The following DEPDC5 variants were observed in gnomAD, a reference collection of about 807,000 sequenced individuals.
The protein encoded by DEPDC5 is GATOR1 complex protein DEPDC5.
DEPDC5 carries 73 observed loss-of-function variants against 217.3 expected under a neutral mutation model. The observed-to-expected ratio is 0.34, with a 90% CI of 0.28 to 0.41. The LOEUF is 0.41. Ranked by LOEUF, DEPDC5 falls within the 10% of genes least tolerant of loss-of-function variation. DEPDC5 has a pLI of 1.00. For missense variants in DEPDC5, 1,675 were observed against 2,070.1 expected, an observed-to-expected ratio of 0.81 and a Z score of 3.70; for synonymous variants, 733 against 756.7, an observed-to-expected ratio of 0.97 and a Z score of 0.51.
At chr22:31,893,557 G>A in intron 38 of DEPDC5, 25 bp from the exon 39 acceptor site, 2 of 1,526,828 alleles carry the variant, frequency 1.3e-6, no homozygotes, top group Admixed American at 2.2e-5. Context: ...CACTCTCTTG[G>A]GGCCCCTCCT....
chr22:31,905,746 G>A (rs540810643), intron 41 of DEPDC5, among the ~76,000 whole-genome samples: 7 of 152,158 alleles, frequency 4.6e-5, no homozygotes, highest in Non-Finnish European at 7.4e-5. Flanking sequence ...GGTGGACCAC[G>A]GAGATGACGG....
chr22:31,857,639 G>A, intron 32 of DEPDC5, 86 bp downstream of exon 32: 1 of 1,126,456 alleles, frequency 8.9e-7, no homozygotes, highest in Non-Finnish European at 1.3e-6. Flanking sequence ...TTCAGATCCG[G>A]GATTGCATGT....
intron 4 of DEPDC5, among the ~76,000 whole-genome samples, chr22:31,762,913 C>T (rs1234277744): frequency 6.6e-6 from 1 of 152,032 alleles, no homozygotes; most frequent in African/African-American, 2.4e-5. Flanking sequence ...CTCCTGGGTT[C>T]AAGTGATTCT....
intron 31 of DEPDC5, among the ~76,000 whole-genome samples, chr22:31,852,666 G>T (rs2092093463): frequency 6.6e-6 from 1 of 152,034 alleles, no homozygotes; most frequent in African/African-American, 2.4e-5. Context: ...TCAAATTCCT[G>T]ATGTCATTTC....
At chr22:31,793,948 C>T (rs1238153897) in intron 12 of DEPDC5, among the ~76,000 whole-genome samples, 1 of 152,152 alleles carries the variant, frequency 6.6e-6, no homozygotes, top group East Asian at 1.9e-4. Context: ...ATGGGTTACT[C>T]TTCTAAGCAC....
chr22:31,854,832 C>T (rs1210744186), intron 31 of DEPDC5, among the ~76,000 whole-genome samples: 1 of 151,974 alleles, frequency 6.6e-6, no homozygotes, highest in Non-Finnish European at 1.5e-5. Flanking sequence ...GTTTACAGGG[C>T]TAAAGAGCTA....
intron 18 of DEPDC5, among the ~76,000 whole-genome samples, chr22:31,809,054 C>T (rs1378395616): frequency 6.6e-6 from 1 of 152,142 alleles, no homozygotes; most frequent in African/African-American, 2.4e-5. Flanking sequence ...AGGCGTGAAC[C>T]ACTGTGCCTG....
intron 38 of DEPDC5, among the ~76,000 whole-genome samples, chr22:31,892,873 A>AT (rs948740613): frequency 0.043 from 5,212 of 120,048 alleles, 171 homozygotes; most frequent in African/African-American, 0.058. Context: ...TTGGTGGTGT[A>AT]TTTTTTTTTT....
chr22:31,824,776 G>A (rs1395158280), intron 24 of DEPDC5, among the ~76,000 whole-genome samples: 1 of 151,750 alleles, frequency 6.6e-6, no homozygotes, highest in African/African-American at 2.4e-5. Context: ...GACCATCCTG[G>A]CTAACACAGT....
At chr22:31,814,950 C>T in intron 20 of DEPDC5, 42 bp from the exon 21 acceptor site, 1 of 1,607,978 alleles carries the variant, frequency 6.2e-7, no homozygotes, top group East Asian at 2.2e-5. Context: ...GGTAGGACAG[C>T]ATCCCTCGCT....
intron 5 of DEPDC5, among the ~76,000 whole-genome samples, chr22:31,765,764 T>C (rs2082756623): frequency 6.6e-6 from 1 of 152,088 alleles, no homozygotes; most frequent in Non-Finnish European, 1.5e-5. Context: ...GGCCCATGCC[T>C]GTAATCCCAG....
chr22:31,847,063 C>A, intron 31 of DEPDC5, 96 bp downstream of exon 31: 1 of 1,554,502 alleles, frequency 6.4e-7, no homozygotes, highest in Non-Finnish European at 8.8e-7. Context: ...ATTTCCTTTA[C>A]AAGGAGCTTG....
At chr22:31,893,121 G>C (rs2093476317) in intron 38 of DEPDC5, among the ~76,000 whole-genome samples, 1 of 151,952 alleles carries the variant, frequency 6.6e-6, no homozygotes. Flanking sequence ...TGATCTGCTT[G>C]CGTCGGCCTC....
intron 38 of DEPDC5, among the ~76,000 whole-genome samples, chr22:31,892,131 G>A (rs935453037): frequency 1.5e-4 from 23 of 152,318 alleles, no homozygotes; most frequent in African/African-American, 5.5e-4. Flanking sequence ...TGTGCTGTTT[G>A]CCCATTGTGT....
At chr22:31,767,700 A>G (rs1457573666) in intron 6 of DEPDC5, among the ~76,000 whole-genome samples, 2 of 150,118 alleles carry the variant, frequency 1.3e-5, no homozygotes, top group Non-Finnish European at 3.0e-5. Flanking sequence ...CCAAAGTGCT[A>G]GGATTATAGG....
At chr22:31,826,585 T>C (rs1047142852) in intron 24 of DEPDC5, 14 of 356,966 alleles carry the variant, frequency 3.9e-5, no homozygotes, top group African/African-American at 2.6e-4. Flanking sequence ...TACCTCTTCT[T>C]TGAAGCCTGC....
In DEPDC5 at chr22:31,789,897, A is replaced by G. The variant is rs187118926; in HGVS notation, c.625-2136A>G. 1.7e-4 allele frequency among the ~76,000 whole-genome samples: 26 copies of G among 152,100 alleles called. No homozygotes were observed. The East Asian group carries it at 3.9e-3, about 23-fold the overall frequency. On this transcript the variant is annotated intron_variant, in intron 10 of 42. Coordinates refer to ENST00000651528, the MANE Select transcript of DEPDC5 (RefSeq NM_001242896.3). ...GTTGGGACTACAGGCGCAGGCCACC[A>G]TGCCTGGCTGATTAGCTTTTTGGTC...
At position 31,857,552 on chromosome 22, in the gene DEPDC5, A is replaced by C. The variant is rs1296564177; in HGVS notation, c.3263A>C (p.Lys1088Thr). 1 of 1,608,656 alleles carries C rather than the reference A, an allele frequency of 6.2e-7. No individual in the cohort carries two copies. The highest frequency in any genetic ancestry group is 8.5e-7 in the Non-Finnish European group (1 of 1,177,494). ...CCCACCTACATGGACAGCCCACGAAAGGTAAAGGAAGCCGCGGTAGCAGGG... is the reference window on the plus strand; with the variant it reads ...CCCACCTACATGGACAGCCCACGAACGGTAAAGGAAGCCGCGGTAGCAGGG... ...MTPTYMDSPR[K>T]DGAFFMEFVR... The change falls in exon 32 of 43, where the codon AAG (lysine) becomes ACG (threonine). Residue 1088 changes from lysine (K) to threonine (T), a missense_variant and splice_region_variant. Coordinates refer to ENST00000651528, the MANE Select transcript of DEPDC5 (RefSeq NM_001242896.3).
chr22:31,778,400 A>G (rs1434411776), intron 8 of DEPDC5, among the ~76,000 whole-genome samples: 1 of 152,068 alleles, frequency 6.6e-6, no homozygotes, highest in African/African-American at 2.4e-5. Flanking sequence ...AGGTGGAAGA[A>G]TTACCGGGAT....
Sources: gnomAD v4.1 joint callset for allele counts (sites outside exome capture counted in the v4.1 genomes callset) on GRCh38, gnomAD v4.1.1 for gene constraint, MANE v1.5 for transcripts, NCBI Gene and HGNC (gene_info 2026-07-23, HGNC 2026-07-21) for gene names.